IKBKE: variants seen among roughly 807,000 people sequenced by gnomAD.
The protein encoded by IKBKE is inhibitor of nuclear factor kappa-B kinase subunit epsilon.
Under a neutral mutation model 92.1 loss-of-function variants are expected in IKBKE, and 45 were observed. The ratio of observed to expected loss-of-function variants is 0.49; its 90% confidence interval spans 0.38 to 0.63. IKBKE has a LOEUF of 0.63. Ranked by LOEUF, IKBKE falls within the 20% of genes least tolerant of loss-of-function variation. IKBKE has a pLI of 0.00. For synonymous variants in IKBKE, 374 were observed against 380.3 expected (o/e 0.98, Z 0.19); for missense variants, 700 against 932.8 (o/e 0.75, Z 3.25).
chr1:206,491,163 C>T, intron 17 of IKBKE: 1 of 479,252 alleles, frequency 2.1e-6, no homozygotes, highest in South Asian at 2.5e-5. Flanking sequence ...CTGCTTCTGC[C>T]CTCTGCCTGA....
intron 18 of IKBKE, chr1:206,492,668 C>T (rs900772973): frequency 2.0e-6 from 1 of 503,404 alleles, no homozygotes; most frequent in African/African-American, 1.9e-5. Context: ...AGAGCGTGGG[C>T]AGTTCCCCAC....
At chr1:206,471,420 G>A (rs76964137) in intron 2 of IKBKE, among the ~76,000 whole-genome samples, 175 bp downstream of exon 2, 3,022 of 152,256 alleles carry the variant, frequency 0.02, 43 homozygotes, top group South Asian at 0.04. Flanking sequence ...TCTGCAGAGC[G>A]TGCAGAGTTA....
At position 206,474,946 on chromosome 1, in the gene IKBKE, GC is replaced by G. The variant is rs782190151; in HGVS notation, c.312del (p.Phe105LeufsTer19). 1.2e-6 allele frequency: 2 copies of G among 1,614,102 alleles called. No individual in the cohort carries two copies. Among genetic ancestry groups the G allele is most frequent in the Non-Finnish European group, 1.7e-6 (2 of 1,180,008 alleles). ...LLSVLESPENAFGLPEDEFLV... is the reference protein window; with the variant it reads ...LLSVLESPENXFGLPEDEFLV... ...GAGTGTGCTGGAGAGCCCTGAGAAT[GC>G]CTTTGGGCTGCCTGAGGATGAGTTC... On this transcript the variant is annotated frameshift_variant, in exon 5 of 22. Coordinates refer to ENST00000581977, the MANE Select transcript of IKBKE (RefSeq NM_014002.4). LOFTEE classifies it high-confidence loss of function.
chr1:206,480,765 G>T (rs782566369), intron 13 of IKBKE, among the ~76,000 whole-genome samples: 2 of 152,176 alleles, frequency 1.3e-5, no homozygotes, highest in Admixed American at 6.5e-5. Flanking sequence ...GCCCATGGGG[G>T]CACAGACTCT....
In IKBKE at chr1:206,478,034, C is replaced by G; in HGVS notation, c.813-126C>G. On this transcript the variant is annotated intron_variant, in intron 8 of 21. Coordinates refer to ENST00000581977, the MANE Select transcript of IKBKE (RefSeq NM_014002.4). The surrounding 1 kb of genome is among the most constrained non-coding windows in gnomAD (Gnocchi z 4.8). ...AGTTCTTCCAGCTCTTCCTCCCCAA[C>G]CCACCCTGCCCCACCATCTTGGTCC... is the stretch of plus-strand genomic sequence containing the variant. The G allele has an allele frequency of 3.1e-6, 2 of 651,702 alleles. No homozygotes were observed. The highest frequency in any genetic ancestry group is 1.7e-5 in the South Asian group (1 of 57,478). The allele number at this position is 651,702 out of a possible 1,614,324, so 40.4% of individuals were successfully genotyped here.
In IKBKE at chr1:206,475,263, C is replaced by A. The variant is rs1228181519; in HGVS notation, c.358+269C>A. The A allele has an allele frequency of 4.0e-5, 19 of 479,220 alleles. No individual in the cohort carries two copies. The South Asian group carries it at 8.0e-4, about 20-fold the overall frequency. The allele number at this position is 479,220 out of a possible 1,614,324, so 29.7% of individuals were successfully genotyped here. A position where few individuals can be genotyped will look rare whatever the true frequency, so the allele number is the denominator to read the frequency against. On this transcript the variant is annotated intron_variant, in intron 5 of 21. Transcript: ENST00000581977. ...TCTTAAAAGGAAAGAAATTCTGACA[C>A]CTGCTACAACATGGATGGACCTTGA... is the stretch of plus-strand genomic sequence containing the variant.
rs564552468 is a variant in IKBKE at position 206,482,283 on chromosome 1, T to C, written c.1427+1750T>C. On this transcript the variant is annotated intron_variant, in intron 13 of 21. Transcript: ENST00000581977. Reference sequence around the variant, plus strand: ...GGTGAGGAGGGGAGGAAAGAAGGCATAGAGGCCCTGAAGGAGTCCAGCTAG... The same window carrying C: ...GGTGAGGAGGGGAGGAAAGAAGGCACAGAGGCCCTGAAGGAGTCCAGCTAG... 4.6e-5 allele frequency among the ~76,000 whole-genome samples: 7 copies of C among 152,096 alleles called. No homozygotes were observed. In the East Asian group the frequency reaches 9.7e-4, roughly 21 times the overall value.
In IKBKE at chr1:206,493,936, G is replaced by A. The variant is rs782693817; in HGVS notation, c.2062G>A (p.Glu688Lys). Residue 688 changes from glutamate to lysine, a missense_variant, in exon 21 of 22, where the codon GAG becomes AAG. Transcript: ENST00000581977. ...CTTGGGCAGCATGCAAGAGCTCTGC[G>A]AGGGGATGAAGCTGCTGGCATCTGA... is the stretch of plus-strand genomic sequence containing the variant. ...DLLLHMQELCEGMKLLASDLL... is the reference protein window; with the variant it reads ...DLLLHMQELCKGMKLLASDLL... The A allele has an allele frequency of 1.9e-5, 30 of 1,613,962 alleles. No individual in the cohort carries two copies. Among genetic ancestry groups the A allele is most frequent in the South Asian group, 3.3e-5 (3 of 91,078 alleles).
chr1:206,493,101 C>A lies in IKBKE; in HGVS notation c.1914C>A (p.Val638=). The part of the protein sequence containing the change: ...VAACNTEAQG[V]QESLSKLLEE... ...CCTGTAACACAGAAGCCCAGGGGGT[C>A]CAGGAGAGTCTCAGCAAGGTGGGCA... Residue 638 remains valine, a synonymous_variant, in exon 19 of 22, where the codon GTC becomes GTA. Coordinates refer to ENST00000581977, the MANE Select transcript of IKBKE (RefSeq NM_014002.4). The A allele has an allele frequency of 6.3e-7, 1 of 1,591,290 alleles. No homozygotes were observed. Among genetic ancestry groups the A allele is most frequent in the Admixed American group, 1.7e-5 (1 of 57,148 alleles).
Position 206,476,981 on chromosome 1 carries a change from C to A in IKBKE, c.701+143C>A, listed in dbSNP as rs1254622260. 4.7e-6 allele frequency: 4 copies of A among 852,850 alleles called. No homozygotes were observed. Among genetic ancestry groups the A allele is most frequent in the Non-Finnish European group, 7.2e-6 (4 of 559,346 alleles). The allele number at this position is 852,850 out of a possible 1,614,324, so 52.8% of individuals were successfully genotyped here. On this transcript the variant is annotated intron_variant, in intron 7 of 21. Coordinates refer to ENST00000581977, the MANE Select transcript of IKBKE (RefSeq NM_014002.4). The surrounding 1 kb of genome is among the most constrained non-coding windows in gnomAD (Gnocchi z 5.1). ...CCCCCAACCCAGGCTCTTTGTAGAT[C>A]TTTTTTTGTTAATGGGATCAAACAA...
rs376776043 is a variant in IKBKE at position 206,476,869 on chromosome 1, C to T, written c.701+31C>T. On this transcript the variant is annotated intron_variant, in intron 7 of 21. Transcript: ENST00000581977. The surrounding 1 kb of genome is among the most constrained non-coding windows in gnomAD (Gnocchi z 5.1). Reference sequence around the variant, plus strand: ...GTGGGCCACAGGGCAGGGAATGGGGCGGACTGGCAGTCCCCTGGCCCTTCC... The same window carrying T: ...GTGGGCCACAGGGCAGGGAATGGGGTGGACTGGCAGTCCCCTGGCCCTTCC... 112 of 1,611,232 alleles carry T rather than the reference C, an allele frequency of 7.0e-5. No individual in the cohort carries two copies. Among genetic ancestry groups the T allele is most frequent in the African/African-American group, 6.9e-4 (52 of 74,874 alleles).
At chr1:206,491,073 T>G (rs1665928221) in intron 17 of IKBKE, 2 of 610,498 alleles carry the variant, frequency 3.3e-6, no homozygotes, top group Admixed American at 2.7e-5. Flanking sequence ...AGTAACTGGA[T>G]TTACTTCTGG....
intron 13 of IKBKE, among the ~76,000 whole-genome samples, chr1:206,481,766 C>CTTGTTT (rs1665405900): frequency 2.1e-5 from 1 of 46,538 alleles, no homozygotes; most frequent in Non-Finnish European, 3.8e-5. Flanking sequence ...AAGGATGAGG[C>CTTGTTT]TTTTTTTTTT....
At chr1:206,471,524 T>A (rs1281090902) in intron 2 of IKBKE, among the ~76,000 whole-genome samples, 3 of 152,162 alleles carry the variant, frequency 2.0e-5, no homozygotes, top group Non-Finnish European at 4.4e-5. Context: ...CTGCCTATTA[T>A]CCCAGAGTCC....
intron 18 of IKBKE, 31 bp downstream of exon 18, chr1:206,491,780 AG>A: frequency 3.9e-6 from 6 of 1,547,832 alleles, no homozygotes; most frequent in South Asian, 1.1e-5. Context: ...CCTGGAGCCC[AG>A]GGCCTGGCCT....
Position 206,493,209 on chromosome 1 carries a change from A to G in IKBKE, c.1933-57A>G, listed in dbSNP as rs1572269391. 21 of 1,563,180 alleles carry G rather than the reference A, an allele frequency of 1.3e-5. No individual in the cohort carries two copies. In the South Asian group the frequency reaches 2.3e-4, roughly 17 times the overall value. ...CTTCCCCTCCTCCAGCACTCCCCCT[A>G]CCCAGCCACACATAAGCTGGCTACT... On this transcript the variant is annotated intron_variant, in intron 19 of 21. Coordinates refer to ENST00000581977, the MANE Select transcript of IKBKE (RefSeq NM_014002.4).
rs563219212 is a variant in IKBKE at position 206,477,114 on chromosome 1, G to A, written c.701+276G>A. Among the ~76,000 whole-genome samples, 57 of 152,310 alleles carry A rather than the reference G, an allele frequency of 3.7e-4. 1 individual carries two copies. The South Asian group carries it at 0.011, about 30-fold the overall frequency. On this transcript the variant is annotated intron_variant, in intron 7 of 21. Coordinates refer to ENST00000581977, the MANE Select transcript of IKBKE (RefSeq NM_014002.4). ...CCTTACTGCTCTCCTCGTCTCAACC[G>A]AAGCTCAAAGAGTGCCTTGCCTAAG...
At chr1:206,477,640 G>T (rs966329805) in intron 7 of IKBKE, 109 bp from the exon 8 acceptor site, 1 of 653,186 alleles carries the variant, frequency 1.5e-6, no homozygotes, top group Admixed American at 2.9e-5. Context: ...GGCTACTTTG[G>T]GGTAGCTGGG....
intron 2 of IKBKE, among the ~76,000 whole-genome samples, chr1:206,472,613 T>A (rs1664839553): frequency 6.8e-6 from 1 of 147,496 alleles, no homozygotes; most frequent in African/African-American, 2.5e-5. Context: ...ACACACACAC[T>A]CTGAAGCAGC....
Sources: gnomAD v4.1 joint callset for allele counts (sites outside exome capture counted in the v4.1 genomes callset) on GRCh38, gnomAD v4.1.1 for gene constraint, Gnocchi (gnomAD v3.1) non-coding constraint, MANE v1.5 for transcripts, NCBI Gene and HGNC (gene_info 2026-07-23, HGNC 2026-07-21) for gene names.